NUP160: variants seen among roughly 807,000 people sequenced by gnomAD.
NUP160 encodes nucleoporin 160, also known as nuclear pore complex protein Nup160.
Under a neutral mutation model 196.9 loss-of-function variants are expected in NUP160, and 94 were observed. The observed-to-expected ratio is 0.48, with a 90% CI of 0.40 to 0.57. NUP160 has a LOEUF of 0.57. Among genes scored for constraint, NUP160 ranks in the 20% least tolerant of loss-of-function variants. NUP160 has a pLI of 0.00. For missense variants in NUP160, 1,638 were observed against 1,748.3 expected, an observed-to-expected ratio of 0.94 and a Z score of 1.13; for synonymous variants, 605 against 619.7, an observed-to-expected ratio of 0.98 and a Z score of 0.35.
chr11:47,808,746 C>T (rs1416822123), intron 17 of NUP160, among the ~76,000 whole-genome samples: 1 of 152,102 alleles, frequency 6.6e-6, no homozygotes, highest in African/African-American at 2.4e-5. Context: ...GTAACGGAAG[C>T]TCATGATGAA....
At chr11:47,804,481 A>C in intron 21 of NUP160, 68 bp downstream of exon 21, 1 of 1,055,886 alleles carries the variant, frequency 9.5e-7, no homozygotes, top group Non-Finnish European at 1.4e-6. Context: ...AACATTTACA[A>C]AGAAAAAAAT....
intron 4 of NUP160, among the ~76,000 whole-genome samples, chr11:47,838,350 C>T (rs1852221007): frequency 6.6e-6 from 1 of 152,134 alleles, no homozygotes; most frequent in Non-Finnish European, 1.5e-5. Flanking sequence ...AGCAGTGGGT[C>T]ACTCTAGGCC....
At chr11:47,822,685 C>T (rs535085046) in intron 7 of NUP160, among the ~76,000 whole-genome samples, 3 of 151,844 alleles carry the variant, frequency 2.0e-5, no homozygotes, top group Non-Finnish European at 2.9e-5. Context: ...AATTCATTTA[C>T]ATTACGTATA....
chr11:47,813,347 A>T (rs1306006564), exon 14 of NUP160: 1 of 1,610,534 alleles, frequency 6.2e-7, no homozygotes, highest in Admixed American at 1.7e-5. Flanking sequence ...CTTCTGTCAA[A>T]AGGTTCTCAT....
intron 31 of NUP160, among the ~76,000 whole-genome samples, chr11:47,787,727 C>CT (rs928580156): frequency 1.3e-4 from 18 of 143,824 alleles, no homozygotes; most frequent in Non-Finnish European, 1.7e-4. Context: ...AATTCTTCTT[C>CT]TTTTTTTTGA....
chr11:47,827,506 AG>A (rs1851995308), intron 7 of NUP160, among the ~76,000 whole-genome samples: 1 of 152,196 alleles, frequency 6.6e-6, no homozygotes, highest in Non-Finnish European at 1.5e-5. Context: ...AAAGATGCAT[AG>A]CATGGCCAAC....
intron 33 of NUP160, among the ~76,000 whole-genome samples, chr11:47,784,053 CAAAA>C (rs1278594883): frequency 3.3e-5 from 5 of 150,592 alleles, no homozygotes; most frequent in Non-Finnish European, 7.4e-5. Flanking sequence ...CAAAACAAAA[CAAAA>C]AAAACCAAAA....
exon 30 of NUP160, chr11:47,788,588 C>T: frequency 6.2e-7 from 1 of 1,613,712 alleles, no homozygotes; most frequent in Non-Finnish European, 8.5e-7. Flanking sequence ...TCTTCCAGTT[C>T]CAGGATTTCA....
intron 19 of NUP160, 165 bp from the exon 20 acceptor site, chr11:47,806,477 G>A: frequency 1.8e-6 from 1 of 547,358 alleles, no homozygotes; most frequent in Non-Finnish European, 3.2e-6. Context: ...AAAGTAGTCT[G>A]TAAATTGTGA....
intron 11 of NUP160, 134 bp downstream of exon 11, chr11:47,817,922 G>C: frequency 1.8e-6 from 1 of 543,364 alleles, no homozygotes; most frequent in African/African-American, 1.9e-5. Context: ...AATTATAAAA[G>C]TATTTACAAA....
At chr11:47,789,439 A>T (rs1222171771) in intron 29 of NUP160, among the ~76,000 whole-genome samples, 4 of 152,224 alleles carry the variant, frequency 2.6e-5, no homozygotes, top group Admixed American at 2.6e-4. Flanking sequence ...TTATGGAAGG[A>T]TATCATGCCT....
chr11:47,838,596 T>C (rs1202557464), intron 4 of NUP160, among the ~76,000 whole-genome samples: 1 of 151,480 alleles, frequency 6.6e-6, no homozygotes, highest in African/African-American at 2.4e-5. Context: ...TAATTCCAGC[T>C]ACTTGGGAGG....
chr11:47,808,303 A>G, intron 18 of NUP160, 93 bp downstream of exon 18: 2 of 1,281,734 alleles, frequency 1.6e-6, no homozygotes, highest in Non-Finnish European at 2.2e-6. Context: ...CAAAAACAAA[A>G]ACAAAACACT....
rs376074547 is a variant in NUP160 at position 47,830,468 on chromosome 11, C to T, written c.1101+5183G>A. Among the ~76,000 whole-genome samples the T allele has an allele frequency of 8.5e-5, 13 of 152,212 alleles. No individual in the cohort carries two copies. The South Asian group carries it at 1.0e-3, about 12-fold the overall frequency. On this transcript the variant is annotated intron_variant, in intron 7 of 35. Coordinates refer to ENST00000378460, the Ensembl canonical transcript of NUP160. ...AAAGACATAGAATCAACCTAAATGC[C>T]CCTCAATGACAGACTGAATAAAACA...
At chr11:47,846,163 G>GA (rs202202466) in intron 2 of NUP160, among the ~76,000 whole-genome samples, 1 of 148,056 alleles carries the variant, frequency 6.8e-6, no homozygotes, top group African/African-American at 2.5e-5. Context: ...AAAGCAGAAA[G>GA]AAAAAAAAAT....
rs777264136 is a variant in NUP160, at chr11:47,808,542, G to C, written c.2242-13C>G. 1.2e-6 allele frequency: 2 copies of C among 1,608,324 alleles called. No homozygotes were observed. Among genetic ancestry groups the C allele is most frequent in the East Asian group, 4.5e-5 (2 of 44,792 alleles). The stretch of plus-strand genomic sequence containing the variant: ...TTCCCCAAATCACCTATACATTATG[G>C]GTAGGTGGACCAGACAAGAAATTAT... On this transcript the variant is annotated splice_polypyrimidine_tract_variant and intron_variant, in intron 17 of 35. Coordinates refer to ENST00000378460, the Ensembl canonical transcript of NUP160.
intron 32 of NUP160, among the ~76,000 whole-genome samples, chr11:47,786,230 G>A (rs757165831): frequency 6.6e-6 from 1 of 152,172 alleles, no homozygotes; most frequent in Non-Finnish European, 1.5e-5. Context: ...AGTCTTTGAG[G>A]AGGGGGATAT....
At position 47,780,455 on chromosome 11, in the gene NUP160, G is replaced by C; in HGVS notation, c.4117-8C>G. On this transcript the variant is annotated splice_region_variant and splice_polypyrimidine_tract_variant and intron_variant, in intron 34 of 35. Coordinates refer to ENST00000378460, the Ensembl canonical transcript of NUP160. ...TGTTGCGGACAGTGGAAACTAAAAG[G>C]AAAATGTTTATTTGAAAACAGTCTG... 1 of 1,586,886 alleles carries C rather than the reference G, an allele frequency of 6.3e-7. No homozygotes were observed. The highest frequency in any genetic ancestry group is 8.7e-7 in the Non-Finnish European group (1 of 1,155,630).
At chr11:47,795,705 T>C (rs1391662320) in intron 27 of NUP160, among the ~76,000 whole-genome samples, 2 of 152,164 alleles carry the variant, frequency 1.3e-5, no homozygotes, top group Non-Finnish European at 2.9e-5. Context: ...AGATACATTC[T>C]ACAAAAATGA....
Sources: gnomAD v4.1 joint callset for allele counts (sites outside exome capture counted in the v4.1 genomes callset) on GRCh38, gnomAD v4.1.1 for gene constraint, MANE v1.5 for transcripts, NCBI Gene and HGNC (gene_info 2026-07-23, HGNC 2026-07-21) for gene names.